The following KANSL1 variants were observed in gnomAD, a reference collection of about 807,000 sequenced individuals.
The protein encoded by KANSL1 is MLL1/MLL complex subunit KANSL1.
A neutral mutation model predicts 103.6 loss-of-function variants in KANSL1; 22 were observed. The observed-to-expected ratio is 0.21, with a 90% CI of 0.15 to 0.30. KANSL1 has a LOEUF of 0.30. KANSL1 is among the 10% of genes least tolerant of loss of function. The pLI is 1.00. For synonymous variants in KANSL1, 600 were observed against 527.6 expected (o/e 1.14, Z -1.88); for missense variants, 1,337 against 1,399.8 (o/e 0.96, Z 0.72).
At chr17:46,170,694 C>T (rs1287475543) in intron 2 of KANSL1, 161 bp downstream of exon 2, 10 of 757,846 alleles carry the variant, frequency 1.3e-5, no homozygotes, top group Non-Finnish European at 1.9e-5. Context: ...CCCTTCTTCA[C>T]TAGCATGTAT....
chr17:46,205,302 G>C (rs1436209151), intron 1 of KANSL1, among the ~76,000 whole-genome samples: 1 of 151,940 alleles, frequency 6.6e-6, no homozygotes, highest in African/African-American at 2.4e-5. Context: ...AGTAGTAATC[G>C]TATTTCTATA....
intron 2 of KANSL1, among the ~76,000 whole-genome samples, chr17:46,107,912 T>C (rs764835500): frequency 8.5e-5 from 13 of 152,322 alleles, no homozygotes; most frequent in Admixed American, 7.2e-4. Context: ...ACACACTCAA[T>C]TGGCAAATCT....
intron 2 of KANSL1, among the ~76,000 whole-genome samples, chr17:46,137,598 G>A (rs1034441712): frequency 2.6e-5 from 4 of 152,110 alleles, no homozygotes; most frequent in Admixed American, 6.5e-5. Context: ...CTGTTTCGCC[G>A]GGCGCGGTAG....
chr17:46,034,023 G>T (rs541593749), intron 11 of KANSL1, 138 bp downstream of exon 11: 1 of 1,069,256 alleles, frequency 9.4e-7, no homozygotes. Flanking sequence ...AAATAATTTC[G>T]TTCTTATCAG....
At chr17:46,166,596 T>C (rs1357093354) in intron 2 of KANSL1, among the ~76,000 whole-genome samples, 2 of 152,206 alleles carry the variant, frequency 1.3e-5, no homozygotes, top group African/African-American at 2.4e-5. Context: ...TTAGTGTCAC[T>C]GAACTGCATC....
chr17:46,087,440 A>C (rs1221539032), intron 3 of KANSL1, among the ~76,000 whole-genome samples: 1 of 152,254 alleles, frequency 6.6e-6, no homozygotes, highest in Non-Finnish European at 1.5e-5. Flanking sequence ...CCAAGTAGGT[A>C]AGAGTCATTC....
chr17:46,185,706 C>CACACA (rs2046997589), intron 1 of KANSL1, among the ~76,000 whole-genome samples: 1 of 149,504 alleles, frequency 6.7e-6, no homozygotes, highest in Non-Finnish European at 1.5e-5. Flanking sequence ...CACACACACA[C>CACACA]ACACACACAC....
intron 2 of KANSL1, among the ~76,000 whole-genome samples, chr17:46,096,861 C>T (rs1233137745): frequency 1.3e-5 from 2 of 152,150 alleles, no homozygotes; most frequent in Admixed American, 1.3e-4. Context: ...TCATGATCCA[C>T]CCACCTCAGC....
intron 1 of KANSL1, among the ~76,000 whole-genome samples, chr17:46,201,593 C>T (rs1466200469): frequency 6.6e-6 from 1 of 151,844 alleles, no homozygotes; most frequent in Admixed American, 6.6e-5. Flanking sequence ...TAAAACTGGT[C>T]GGTTGTGGTA....
intron 2 of KANSL1, among the ~76,000 whole-genome samples, chr17:46,115,647 A>C (rs1567692252): frequency 6.6e-6 from 1 of 152,264 alleles, no homozygotes; most frequent in Non-Finnish European, 1.5e-5. Flanking sequence ...TGACATTATG[A>C]ATGAAAAACA....
intron 4 of KANSL1, among the ~76,000 whole-genome samples, chr17:46,081,346 CCT>C (rs1359409385): frequency 5.3e-5 from 8 of 152,052 alleles, no homozygotes; most frequent in Admixed American, 2.0e-4. Context: ...CAATTTTTAC[CCT>C]GATTAGACCA....
In KANSL1 at chr17:46,171,231, A is replaced by G. The variant is rs751030588; in HGVS notation, c.913T>C (p.Leu305=). ...ESRARRLQKR[L]QVVQAKQVER... The stretch of plus-strand genomic sequence containing the variant: ...ACCTGCTTGGCTTGCACAACCTGTA[A>G]GCGCTTTTGTAATCTGCGGGCACGG... Residue 305 remains leucine (L), a synonymous_variant, in exon 2 of 15, where the codon TTA becomes CTA. Coordinates refer to ENST00000432791, the MANE Select transcript of KANSL1 (RefSeq NM_015443.4). 3.1e-6 allele frequency: 5 copies of G among 1,614,026 alleles called. No homozygotes were observed. Among genetic ancestry groups the G allele is most frequent in the African/African-American group, 1.3e-5 (1 of 74,900 alleles).
chr17:46,050,475 C>G, intron 7 of KANSL1, 58 bp downstream of exon 7: 5 of 1,525,634 alleles, frequency 3.3e-6, no homozygotes, highest in Non-Finnish European at 3.6e-6. Context: ...GATTTTCTTT[C>G]ACCTAGAAGT....
intron 2 of KANSL1, among the ~76,000 whole-genome samples, chr17:46,143,782 C>T (rs891379177): frequency 7.8e-5 from 9 of 114,854 alleles, no homozygotes; most frequent in South Asian, 5.8e-4. Flanking sequence ...CCAGCCTGGG[C>T]GACAGAGCGA....
rs1396293466 is a variant in KANSL1, at chr17:46,030,801, G to C, written c.*675C>G. 2 of 152,370 alleles carry C rather than the reference G, an allele frequency of 1.3e-5. No homozygotes were observed. Among genetic ancestry groups the C allele is most frequent in the Non-Finnish European group, 2.9e-5 (2 of 68,312 alleles). 9.4% of individuals were successfully genotyped at this position (152,370 alleles called of 1,614,324 possible). On this transcript the variant is annotated 3_prime_UTR_variant, in exon 15 of 15. Transcript: ENST00000432791. Reference sequence around the variant, plus strand: ...AGGGTACCAAGGGGCATGAGGAGGGGAACCTGAGCAGCCACAGCCAGGTTA... The same window carrying C: ...AGGGTACCAAGGGGCATGAGGAGGGCAACCTGAGCAGCCACAGCCAGGTTA...
intron 1 of KANSL1, among the ~76,000 whole-genome samples, chr17:46,174,790 T>C (rs2046442843): frequency 6.6e-6 from 1 of 152,192 alleles, no homozygotes; most frequent in Non-Finnish European, 1.5e-5. Flanking sequence ...TCCTCCTGCA[T>C]CAGCCTCCTA....
chr17:46,098,305 C>T (rs1167650225), intron 2 of KANSL1, among the ~76,000 whole-genome samples: 2 of 152,122 alleles, frequency 1.3e-5, no homozygotes, highest in African/African-American at 2.4e-5. Context: ...AAAACTACCA[C>T]CACACCAGGT....
At chr17:46,214,654 T>TC (rs2048284436) in intron 1 of KANSL1, among the ~76,000 whole-genome samples, 2 of 133,494 alleles carry the variant, frequency 1.5e-5, no homozygotes, top group African/African-American at 5.1e-5. Flanking sequence ...AAATTCCGTC[T>TC]CAAAAAAAAA....
At chr17:46,212,809 A>G (rs1043620007) in intron 1 of KANSL1, among the ~76,000 whole-genome samples, 2 of 152,244 alleles carry the variant, frequency 1.3e-5, no homozygotes, top group South Asian at 2.1e-4. Flanking sequence ...TGCACACTCC[A>G]CTAGCAGTTT....
Sources: allele counts gnomAD v4.1 joint callset (sites outside exome capture counted in the v4.1 genomes callset), GRCh38; gene constraint gnomAD v4.1.1; transcripts MANE v1.5; gene names NCBI Gene and HGNC (gene_info 2026-07-23, HGNC 2026-07-21).